TBXAS1: variants seen among roughly 807,000 people sequenced by gnomAD.
TBXAS1 encodes thromboxane-A synthase.
A neutral mutation model predicts 60.7 loss-of-function variants in TBXAS1; 48 were observed. The ratio of observed to expected loss-of-function variants is 0.79; its 90% CI spans 0.63 to 1.01. The LOEUF (loss-of-function observed/expected upper bound fraction) is 1.01. TBXAS1 is among the 50% of genes least tolerant of loss of function. The pLI is 0.00. For synonymous variants in TBXAS1, 287 were observed against 269.7 expected, an observed-to-expected ratio of 1.06 and a Z score of -0.63; for missense variants, 685 against 686.3, an observed-to-expected ratio of 1.00 and a Z score of 0.02.
intron 3 of TBXAS1, among the ~76,000 whole-genome samples, chr7:139,879,559 T>A (rs1341727089): frequency 1.3e-5 from 2 of 152,128 alleles, no homozygotes; most frequent in Non-Finnish European, 2.9e-5. Flanking sequence ...AGAATCAACA[T>A]TATCGTCATA....
At chr7:139,826,662 T>A (rs117514687), upstream of TBXAS1, among the ~76,000 whole-genome samples, 373 of 152,308 alleles carry the variant, frequency 2.4e-3, no homozygotes, top group Middle Eastern at 0.014. Context: ...CCTCTGTAAC[T>A]TGGGGCTAAC....
chr7:140,007,821 C>A (rs559073018), intron 10 of TBXAS1, among the ~76,000 whole-genome samples: 5 of 152,324 alleles, frequency 3.3e-5, no homozygotes, highest in Admixed American at 1.3e-4. Context: ...ATGTTATATT[C>A]TTGGACACAT....
At chr7:139,845,829 T>G (rs1358781521) in intron 1 of TBXAS1, among the ~76,000 whole-genome samples, 1 of 151,206 alleles carries the variant, frequency 6.6e-6, no homozygotes, top group Non-Finnish European at 1.5e-5. Context: ...TCTAGTTTTT[T>G]TTTTTTTTTT....
intron 4 of TBXAS1, among the ~76,000 whole-genome samples, chr7:139,933,687 A>G (rs150695994): frequency 1.8e-4 from 28 of 152,348 alleles, no homozygotes. Context: ...TTCATATTTT[A>G]TCAGAAAATT....
intron 4 of TBXAS1, among the ~76,000 whole-genome samples, chr7:139,804,136 G>T (rs140531266): frequency 1.3e-5 from 2 of 152,320 alleles, no homozygotes; most frequent in East Asian, 3.9e-4. Flanking sequence ...GCTATACCCA[G>T]CAAAGCCACA....
At chr7:139,851,065 C>T (rs1028905944) in intron 1 of TBXAS1, among the ~76,000 whole-genome samples, 4 of 152,340 alleles carry the variant, frequency 2.6e-5, no homozygotes, top group East Asian at 1.9e-4. Context: ...TGAGCCAAAG[C>T]ATCCCATTGG....
chr7:139,784,646 C>T (rs73475938), intron 3 of TBXAS1, among the ~76,000 whole-genome samples: 2,127 of 152,172 alleles, frequency 0.014, 42 homozygotes, highest in African/African-American at 0.049. Flanking sequence ...AAAGCAAGGC[C>T]GAGACAGTGG....
At chr7:139,831,317 G>T (rs1798686366) in intron 1 of TBXAS1, among the ~76,000 whole-genome samples, 1 of 152,132 alleles carries the variant, frequency 6.6e-6, no homozygotes, top group African/African-American at 2.4e-5. Context: ...TTCAGTGCAA[G>T]GGGAACCACC....
intron 1 of TBXAS1, among the ~76,000 whole-genome samples, chr7:139,871,931 A>T (rs937382039): frequency 1.3e-5 from 2 of 152,198 alleles, no homozygotes; most frequent in African/African-American, 4.8e-5. Context: ...TTTTTAAAAC[A>T]ATCTATTAAG....
intron 5 of TBXAS1, among the ~76,000 whole-genome samples, chr7:139,945,485 G>T (rs1359278115): frequency 6.6e-6 from 1 of 152,118 alleles, no homozygotes; most frequent in Non-Finnish European, 1.5e-5. Flanking sequence ...TGTTTCTTGG[G>T]TACCTTCTAT....
At chr7:139,995,096 C>G (rs1813199941) in intron 9 of TBXAS1, among the ~76,000 whole-genome samples, 1 of 152,144 alleles carries the variant, frequency 6.6e-6, no homozygotes, top group Non-Finnish European at 1.5e-5. Context: ...TCTGAAGACT[C>G]CTGGGCTTTA....
At chr7:139,834,494 T>A (rs1423647136) in intron 1 of TBXAS1, among the ~76,000 whole-genome samples, 1 of 151,606 alleles carries the variant, frequency 6.6e-6, no homozygotes, top group African/African-American at 2.4e-5. Flanking sequence ...TTGAAACACA[T>A]ACACACACAC....
At chr7:139,887,927 G>A (rs1195434696) in intron 3 of TBXAS1, among the ~76,000 whole-genome samples, 2 of 152,140 alleles carry the variant, frequency 1.3e-5, no homozygotes, top group Non-Finnish European at 2.9e-5. Flanking sequence ...TTTTCACCAC[G>A]ATTATGTGGC....
intron 4 of TBXAS1, among the ~76,000 whole-genome samples, chr7:139,932,540 A>G (rs569366202): frequency 6.8e-6 from 1 of 146,550 alleles, no homozygotes; most frequent in Non-Finnish European, 1.5e-5. Context: ...CAGGGTCACA[A>G]AAAAAAAAAC....
intron 2 of TBXAS1, among the ~76,000 whole-genome samples, chr7:139,874,704 A>C (rs1349429704): frequency 6.7e-6 from 1 of 148,358 alleles, no homozygotes; most frequent in Non-Finnish European, 1.5e-5. Flanking sequence ...CACCCACCCC[A>C]ACTCATGAGT....
At chr7:139,947,868 C>CT (rs5887941) in intron 5 of TBXAS1, among the ~76,000 whole-genome samples, 26 of 146,070 alleles carry the variant, frequency 1.8e-4, no homozygotes, top group South Asian at 4.4e-4. Flanking sequence ...AAACAACAGA[C>CT]TTTTTTTTTT....
At chr7:139,998,677 CTA>C (rs1454545625) in intron 9 of TBXAS1, among the ~76,000 whole-genome samples, 1 of 152,156 alleles carries the variant, frequency 6.6e-6, no homozygotes, top group Non-Finnish European at 1.5e-5. Context: ...AGGCAAAACA[CTA>C]TTATTATTCT....
At chr7:139,986,738 TAC>T (rs1306348226) in intron 9 of TBXAS1, among the ~76,000 whole-genome samples, 13,788 of 54,688 alleles carry the variant, frequency 0.25, 1,604 homozygotes, top group East Asian at 0.52. Context: ...TATATATATA[TAC>T]ATACATATAT....
intron 2 of TBXAS1, among the ~76,000 whole-genome samples, chr7:139,781,212 T>C (rs935679400): frequency 3.3e-5 from 5 of 152,212 alleles, no homozygotes; most frequent in Non-Finnish European, 5.9e-5. Context: ...CGGAAAAATA[T>C]TCTTGAAATG....
Sources: allele counts gnomAD v4.1 joint callset (sites outside exome capture counted in the v4.1 genomes callset), GRCh38; gene constraint gnomAD v4.1.1; transcripts MANE v1.5; gene names NCBI Gene and HGNC (gene_info 2026-07-23, HGNC 2026-07-21).